AGPAT4: variants seen among roughly 807,000 people sequenced by gnomAD.
AGPAT4 encodes the protein 1-acylglycerol-3-phosphate O-acyltransferase 4.
AGPAT4 carries 15 observed loss-of-function variants against 48.0 expected under a neutral mutation model. The observed-to-expected ratio is 0.31, with a 90% CI of 0.21 to 0.48. The LOEUF (loss-of-function observed/expected upper bound fraction) is 0.48. AGPAT4 is among the 20% of genes least tolerant of loss of function. AGPAT4 has a pLI of 0.99. For missense variants in AGPAT4, 314 were observed against 482.5 expected (o/e 0.65, Z 3.27); for synonymous variants, 178 against 198.7 (o/e 0.90, Z 0.88).
rs1781384127 is a variant in AGPAT4, at chr6:161,206,585, C to A, written c.178+25451G>T. ...TCTGTTAAAACAAGTTTAAGTAAGA[C>A]CTACCGTCTAATAACATAATTCTCC... is the stretch of plus-strand genomic sequence containing the variant. On this transcript the variant is annotated intron_variant, in intron 2 of 8. Transcript: ENST00000320285. The surrounding 1 kb of genome is among the most constrained non-coding windows in gnomAD (Gnocchi z 4.8). 6.6e-6 allele frequency among the ~76,000 whole-genome samples: 1 copy of A among 152,098 alleles called. No individual in the cohort carries two copies. The highest frequency in any genetic ancestry group is 1.5e-5 in the Non-Finnish European group (1 of 68,028).
At position 161,159,160 on chromosome 6, in the gene AGPAT4, G is replaced by T. The variant is rs1779850188; in HGVS notation, c.349-4850C>A. Among the ~76,000 whole-genome samples the T allele has an allele frequency of 6.6e-6, 1 of 152,124 alleles. No homozygotes were observed. The highest frequency in any genetic ancestry group is 2.4e-5 in the African/African-American group (1 of 41,418). On this transcript the variant is annotated intron_variant, in intron 3 of 8. Coordinates refer to ENST00000320285, the MANE Select transcript of AGPAT4 (RefSeq NM_020133.3). The surrounding 1 kb of genome is among the most constrained non-coding windows in gnomAD (Gnocchi z 4.1). ...ACTGTAGCAAATGTTTCAGTTCCCT[G>T]GAGCCAAGACAAGCCATCCAGCCCT...
chr6:161,248,626 A>G (rs1782729755), intron 1 of AGPAT4, among the ~76,000 whole-genome samples: 1 of 151,792 alleles, frequency 6.6e-6, no homozygotes, highest in Admixed American at 6.6e-5. Flanking sequence ...GAAGTGAAAG[A>G]TCGCTACAAG....
chr6:161,217,856 G>A lies in AGPAT4; in HGVS notation c.178+14180C>T, dbSNP rs540502462. Among the ~76,000 whole-genome samples, 4 of 147,428 alleles carry A rather than the reference G, an allele frequency of 2.7e-5. No individual in the cohort carries two copies. Among genetic ancestry groups the A allele is most frequent in the South Asian group, 2.1e-4 (1 of 4,670 alleles). On this transcript the variant is annotated intron_variant, in intron 2 of 8. Transcript: ENST00000320285. This position sits in a 1 kb window ranked among gnomAD's most constrained non-coding sequence, Gnocchi z 4.9. ...CAGCACAGCTGGTGCCTCTGCTCCC[G>A]CGGGGCCCTGCACACACCAGCTCTG...
intron 1 of AGPAT4, among the ~76,000 whole-genome samples, chr6:161,258,384 C>T (rs1201643055): frequency 6.6e-6 from 1 of 152,112 alleles, no homozygotes; most frequent in Non-Finnish European, 1.5e-5. Context: ...ATCCAACAAC[C>T]ATTTTTAGAC....
rs1781213640 is a variant in AGPAT4 at position 161,200,606 on chromosome 6, A to G, written c.178+31430T>C. Among the ~76,000 whole-genome samples the G allele has an allele frequency of 6.6e-6, 1 of 152,206 alleles. No individual in the cohort carries two copies. On this transcript the variant is annotated intron_variant, in intron 2 of 8. Transcript: ENST00000320285. The surrounding 1 kb of genome is among the most constrained non-coding windows in gnomAD (Gnocchi z 5.5). ...TTGATTGCTCAGGATTACTCTAGAA[A>G]GAATTATTGGCACCTCTTCTTTTCT...
rs370236786 is a variant in AGPAT4, at chr6:161,140,431, A to C, written c.844-811T>G. ...TCACCGAGCAGCTTGCAGGGCAGTT[A>C]CTCCAGAGCCTCATGGCGCTCCTTG... On this transcript the variant is annotated intron_variant, in intron 7 of 8. Coordinates refer to ENST00000320285, the MANE Select transcript of AGPAT4 (RefSeq NM_020133.3). This position sits in a 1 kb window ranked among gnomAD's most constrained non-coding sequence, Gnocchi z 6.5. Among the ~76,000 whole-genome samples the C allele has an allele frequency of 2.1e-4, 32 of 152,260 alleles. No homozygotes were observed. The South Asian group carries it at 5.6e-3, about 27-fold the overall frequency.
Position 161,251,336 on chromosome 6 carries a change from C to T in AGPAT4, c.-89-19034G>A, listed in dbSNP as rs1408397146. On this transcript the variant is annotated intron_variant, in intron 1 of 8. Coordinates refer to ENST00000320285, the MANE Select transcript of AGPAT4 (RefSeq NM_020133.3). This position sits in a 1 kb window ranked among gnomAD's most constrained non-coding sequence, Gnocchi z 4.6. ...GATTCCCATGCAGTCTCTCCTACATCGAATACCAATAAACAGACATGAATT... is the reference window on the plus strand; with the variant it reads ...GATTCCCATGCAGTCTCTCCTACATTGAATACCAATAAACAGACATGAATT... Among the ~76,000 whole-genome samples the T allele has an allele frequency of 6.6e-6, 1 of 152,190 alleles. No individual in the cohort carries two copies. The highest frequency in any genetic ancestry group is 1.5e-5 in the Non-Finnish European group (1 of 68,044).
chr6:161,256,957 G>A (rs563352069), intron 1 of AGPAT4, among the ~76,000 whole-genome samples: 2 of 152,300 alleles, frequency 1.3e-5, no homozygotes, highest in Admixed American at 6.5e-5. Context: ...CGTTGGAGAC[G>A]CCTGTTGCGA....
At chr6:161,260,018 G>A (rs1180976412) in intron 1 of AGPAT4, among the ~76,000 whole-genome samples, 2 of 152,122 alleles carry the variant, frequency 1.3e-5, no homozygotes, top group Admixed American at 6.5e-5. Context: ...CTCTGGAAGT[G>A]AACTGCGTGC....
At position 161,130,651 on chromosome 6, in the gene AGPAT4, G is replaced by C; in HGVS notation, c.*5889C>G. The C allele has an allele frequency of 3.6e-6, 1 of 278,476 alleles. No individual in the cohort carries two copies. The highest frequency in any genetic ancestry group is 8.1e-5 in the East Asian group (1 of 12,392). The allele number at this position is 278,476 out of a possible 1,614,324, so 17.3% of individuals were successfully genotyped here. ...TCCTTGATAGAACAAGCAAAAGAGG[G>C]GCTGATCCATCTCCCGTGAACATCT... On this transcript the variant is annotated 3_prime_UTR_variant, in exon 9 of 9. Transcript: ENST00000320285.
In AGPAT4 at chr6:161,226,196, T is replaced by G. The variant is rs1365288156; in HGVS notation, c.178+5840A>C. Among the ~76,000 whole-genome samples the G allele has an allele frequency of 6.6e-6, 1 of 152,064 alleles. No homozygotes were observed. The highest frequency in any genetic ancestry group is 1.9e-4 in the East Asian group (1 of 5,176). ...TTTGACAGGCTCAAAGGCAGTGATA[T>G]GAAGGGTTAGGACAGGGGCCACTCA... On this transcript the variant is annotated intron_variant, in intron 2 of 8. Coordinates refer to ENST00000320285, the MANE Select transcript of AGPAT4 (RefSeq NM_020133.3). The surrounding 1 kb of genome is among the most constrained non-coding windows in gnomAD (Gnocchi z 6.3).
At position 161,147,664 on chromosome 6, in the gene AGPAT4, T is replaced by C. The variant is rs1036849167; in HGVS notation, c.768-1065A>G. On this transcript the variant is annotated intron_variant, in intron 6 of 8. Transcript: ENST00000320285. The surrounding 1 kb of genome is among the most constrained non-coding windows in gnomAD (Gnocchi z 4.8). ...CATAAGCTCCTCCGGAAATATTCTT[T>C]CACCTTTTCTGTTCCTACGCACACT... Among the ~76,000 whole-genome samples the C allele has an allele frequency of 6.6e-6, 1 of 152,210 alleles. No homozygotes were observed. Among genetic ancestry groups the C allele is most frequent in the South Asian group, 2.1e-4 (1 of 4,828 alleles).
chr6:161,153,226 G>C (rs1477469988), intron 5 of AGPAT4, 120 bp downstream of exon 5: 2 of 1,354,152 alleles, frequency 1.5e-6, no homozygotes, highest in Non-Finnish European at 2.0e-6. Context: ...CAGCCACTCT[G>C]AGCTCCTAGC....
chr6:161,200,409 A>G lies in AGPAT4; in HGVS notation c.178+31627T>C, dbSNP rs1401043789. 1.3e-5 allele frequency among the ~76,000 whole-genome samples: 2 copies of G among 152,230 alleles called. No individual in the cohort carries two copies. The highest frequency in any genetic ancestry group is 4.8e-5 in the African/African-American group (2 of 41,458). On this transcript the variant is annotated intron_variant, in intron 2 of 8. Transcript: ENST00000320285. The surrounding 1 kb of genome is among the most constrained non-coding windows in gnomAD (Gnocchi z 5.5). Reference sequence around the variant, plus strand: ...AATTCAGAGAGTTTTATCTTAAATAACATGCCATTTTATCTCCAAATAACC... The same window carrying G: ...AATTCAGAGAGTTTTATCTTAAATAGCATGCCATTTTATCTCCAAATAACC...
rs761653456 is a variant in AGPAT4 at position 161,154,868 on chromosome 6, G to A, written c.349-558C>T. Reference sequence around the variant, plus strand: ...AGATTCATTTGAATCCGATTTTTCCGAGACAGCTCAACTCACTCTGCTGAG... The same window carrying A: ...AGATTCATTTGAATCCGATTTTTCCAAGACAGCTCAACTCACTCTGCTGAG... On this transcript the variant is annotated intron_variant, in intron 3 of 8. Transcript: ENST00000320285. The surrounding 1 kb of genome is among the most constrained non-coding windows in gnomAD (Gnocchi z 7.8). Among the ~76,000 whole-genome samples, 16 of 152,204 alleles carry A rather than the reference G, an allele frequency of 1.1e-4. No homozygotes were observed. The highest frequency in any genetic ancestry group is 1.9e-4 in the East Asian group (1 of 5,206).
Position 161,137,517 on chromosome 6 carries a change from C to G in AGPAT4, c.1043-883G>C, listed in dbSNP as rs1779103124. ...AGCCCAGCCAGCAGGAGGCACGCAT[C>G]TCCCATGGGTCATTTACAAACTGGA... On this transcript the variant is annotated intron_variant, in intron 8 of 8. Coordinates refer to ENST00000320285, the MANE Select transcript of AGPAT4 (RefSeq NM_020133.3). This position sits in a 1 kb window ranked among gnomAD's most constrained non-coding sequence, Gnocchi z 6.1. 6.6e-6 allele frequency among the ~76,000 whole-genome samples: 1 copy of G among 152,234 alleles called. No homozygotes were observed. Among genetic ancestry groups the G allele is most frequent in the Non-Finnish European group, 1.5e-5 (1 of 68,046 alleles).
rs913898344 is a variant in AGPAT4, at chr6:161,263,270, G to A, written c.-90+10668C>T. 5.3e-5 allele frequency among the ~76,000 whole-genome samples: 8 copies of A among 152,152 alleles called. No individual in the cohort carries two copies. The South Asian group carries it at 6.2e-4, about 12-fold the overall frequency. ...TAAAAAGACAAACAACAGGCTGGGCGCAGTAGTTCATGCCTGTAGTCCCAG... is the reference window on the plus strand; with the variant it reads ...TAAAAAGACAAACAACAGGCTGGGCACAGTAGTTCATGCCTGTAGTCCCAG... On this transcript the variant is annotated intron_variant, in intron 1 of 8. Transcript: ENST00000320285.
chr6:161,200,115 G>C lies in AGPAT4; in HGVS notation c.178+31921C>G, dbSNP rs1781184848. Among the ~76,000 whole-genome samples, 1 of 152,216 alleles carries C rather than the reference G, an allele frequency of 6.6e-6. No individual in the cohort carries two copies. The highest frequency in any genetic ancestry group is 1.5e-5 in the Non-Finnish European group (1 of 68,028). ...GCATTGCGACGAATGTGCACAGAAA[G>C]AGGAAGGAAGAAATGAGGACAGACA... On this transcript the variant is annotated intron_variant, in intron 2 of 8. Transcript: ENST00000320285. This position sits in a 1 kb window ranked among gnomAD's most constrained non-coding sequence, Gnocchi z 5.5.
At position 161,235,029 on chromosome 6, in the gene AGPAT4, G is replaced by C. The variant is rs1339837061; in HGVS notation, c.-89-2727C>G. ...CCTAAAGAGAAATCAGACAAGGCTT[G>C]GTTTGTTTTGGGTCTTGAGTTTCAG... On this transcript the variant is annotated intron_variant, in intron 1 of 8. Transcript: ENST00000320285. The surrounding 1 kb of genome is among the most constrained non-coding windows in gnomAD (Gnocchi z 6.2). Among the ~76,000 whole-genome samples, 1 of 151,894 alleles carries C rather than the reference G, an allele frequency of 6.6e-6. No homozygotes were observed. The highest frequency in any genetic ancestry group is 6.6e-5 in the Admixed American group (1 of 15,238).
Sources: gnomAD v4.1 joint callset for allele counts (sites outside exome capture counted in the v4.1 genomes callset) on GRCh38, gnomAD v4.1.1 for gene constraint, Gnocchi (gnomAD v3.1) non-coding constraint, MANE v1.5 for transcripts, NCBI Gene and HGNC (gene_info 2026-07-23, HGNC 2026-07-21) for gene names.